ANO4: variants seen among roughly 807,000 people sequenced by gnomAD.
ANO4 encodes anoctamin-4.
ANO4 carries 69 observed loss-of-function variants against 141.9 expected under a neutral mutation model. The observed-to-expected ratio is 0.49, with a 90% CI of 0.40 to 0.59. The LOEUF (loss-of-function observed/expected upper bound fraction) is 0.59, where lower values mean the gene tolerates loss of function less well. Ranked by LOEUF, ANO4 falls within the 20% of genes least tolerant of loss-of-function variation. ANO4 has a pLI of 0.00. For synonymous variants in ANO4, 350 were observed against 394.3 expected (o/e 0.89, Z 1.33); for missense variants, 894 against 1,162.2 (o/e 0.77, Z 3.36).
intron 26 of ANO4, among the ~76,000 whole-genome samples, chr12:101,122,265 G>A (rs1446062630): frequency 1.6e-4 from 24 of 152,098 alleles, no homozygotes; most frequent in Admixed American, 1.6e-3. Context: ...ATTTGTTTAA[G>A]TTCCTTACAG....
chr12:100,827,404 A>G (rs1008766277), intron 1 of ANO4, among the ~76,000 whole-genome samples: 1 of 151,916 alleles, frequency 6.6e-6, no homozygotes, highest in African/African-American at 2.4e-5. Flanking sequence ...TTCTATTTAA[A>G]CTTGTTAAAA....
At chr12:100,841,013 A>G (rs1428450320) in intron 1 of ANO4, among the ~76,000 whole-genome samples, 2 of 151,878 alleles carry the variant, frequency 1.3e-5, no homozygotes, top group Admixed American at 1.3e-4. Flanking sequence ...TGAAATGACC[A>G]CCTATTTTTC....
intron 9 of ANO4, among the ~76,000 whole-genome samples, chr12:101,033,724 T>A (rs73156627): frequency 0.26 from 39,473 of 151,840 alleles, 5,290 homozygotes; most frequent in Non-Finnish European, 0.28. Flanking sequence ...GCGGGAGAAA[T>A]TTTTTGCAAT....
intron 14 of ANO4, among the ~76,000 whole-genome samples, chr12:101,053,467 A>G (rs2047957475): frequency 6.6e-6 from 1 of 152,164 alleles, no homozygotes; most frequent in Non-Finnish European, 1.5e-5. Flanking sequence ...GTCCAAAATC[A>G]AGGTGTCAGT....
At chr12:101,110,583 A>G (rs1011879120) in intron 23 of ANO4, 27 bp downstream of exon 23, 37 of 1,524,178 alleles carry the variant, frequency 2.4e-5, no homozygotes, top group Non-Finnish European at 3.3e-5. Flanking sequence ...TATGTTTTTA[A>G]AAAACATATT....
At chr12:100,991,439 T>C (rs2045097027) in intron 8 of ANO4, among the ~76,000 whole-genome samples, 1 of 150,282 alleles carries the variant, frequency 6.7e-6, no homozygotes, top group Non-Finnish European at 1.5e-5. Context: ...TGTGTTTTTC[T>C]TGGAATACAA....
At position 100,813,227 on chromosome 12, in the gene ANO4, T is replaced by C. The variant is rs528974280; in HGVS notation, c.-141+18200T>C. ...GCCCTCCTTATTTCCAGGGGAAGCA[T>C]GGGAGAACCAAGCAGCTCAGCCAGG... On this transcript the variant is annotated intron_variant, in intron 1 of 27. Transcript: ENST00000392977. Among the ~76,000 whole-genome samples, 65 of 152,206 alleles carry C rather than the reference T, an allele frequency of 4.3e-4. 1 individual carries two copies. In the South Asian group the frequency reaches 0.012, roughly 28 times the overall value.
intron 3 of ANO4, among the ~76,000 whole-genome samples, chr12:100,754,340 G>A (rs1441029009): frequency 6.6e-6 from 1 of 151,700 alleles, no homozygotes; most frequent in Admixed American, 6.6e-5. Context: ...CATGGATCAA[G>A]TCTTTCTACT....
Position 100,831,596 on chromosome 12 carries a change from A to T in ANO4, c.-141+36569A>T, listed in dbSNP as rs116476723. ...TCCTCAGTGTGGTAACACAAGGCTGATGGAGAGGAAAAGAGTGTATGAAAC... is the reference window on the plus strand; with the variant it reads ...TCCTCAGTGTGGTAACACAAGGCTGTTGGAGAGGAAAAGAGTGTATGAAAC... On this transcript the variant is annotated intron_variant, in intron 1 of 27. Transcript: ENST00000392977. Among the ~76,000 whole-genome samples, 228 of 152,258 alleles carry T rather than the reference A, an allele frequency of 1.5e-3. 2 individuals are homozygous for T. The highest frequency in any genetic ancestry group is 5.1e-3 in the African/African-American group (214 of 41,574).
chr12:100,884,118 CA>C (rs1429705335), intron 1 of ANO4, among the ~76,000 whole-genome samples: 2 of 152,110 alleles, frequency 1.3e-5, no homozygotes, highest in African/African-American at 4.8e-5. Flanking sequence ...AAAGTTCATG[CA>C]ATTTAATGTC....
intron 13 of ANO4, among the ~76,000 whole-genome samples, chr12:101,047,821 T>C (rs1331532545): frequency 6.6e-6 from 1 of 152,168 alleles, no homozygotes; most frequent in Non-Finnish European, 1.5e-5. Flanking sequence ...AAGGGTAGAG[T>C]TGGATTTAGT....
intron 1 of ANO4, among the ~76,000 whole-genome samples, chr12:100,858,399 G>A (rs564332774): frequency 5.7e-4 from 87 of 152,158 alleles, no homozygotes; most frequent in African/African-American, 2.0e-3. Context: ...TATGTGGTCC[G>A]TCATTATGAG....
At chr12:100,860,795 C>A (rs998981958) in intron 1 of ANO4, among the ~76,000 whole-genome samples, 1 of 152,136 alleles carries the variant, frequency 6.6e-6, no homozygotes, top group Admixed American at 6.5e-5. Flanking sequence ...CATCACTTAA[C>A]GATGAGAATA....
chr12:101,061,414 T>C (rs1011107697), intron 14 of ANO4, among the ~76,000 whole-genome samples: 3 of 152,144 alleles, frequency 2.0e-5, no homozygotes, highest in African/African-American at 7.2e-5. Flanking sequence ...TTTCCTGAAT[T>C]TGAATGTTGG....
chr12:101,007,689 G>C (rs2045926667), intron 8 of ANO4, among the ~76,000 whole-genome samples: 1 of 152,234 alleles, frequency 6.6e-6, no homozygotes, highest in East Asian at 1.9e-4. Context: ...TATTATTTGG[G>C]GGGGAAAAGA....
chr12:100,744,153 C>T (rs766184602), intron 3 of ANO4, among the ~76,000 whole-genome samples: 3 of 152,170 alleles, frequency 2.0e-5, no homozygotes, highest in Admixed American at 6.5e-5. Context: ...AACTTTCAAC[C>T]CGGATATATC....
chr12:100,743,440 G>A (rs942007615), intron 3 of ANO4, among the ~76,000 whole-genome samples: 7 of 151,778 alleles, frequency 4.6e-5, no homozygotes, highest in African/African-American at 1.7e-4. Context: ...TTTTAAAAAA[G>A]TAAATGATGA....
intron 1 of ANO4, among the ~76,000 whole-genome samples, chr12:100,886,672 T>G (rs1409465977): frequency 6.6e-6 from 1 of 152,212 alleles, no homozygotes; most frequent in Non-Finnish European, 1.5e-5. Flanking sequence ...TTGCTTAGTT[T>G]TATAAGTTTT....
chr12:100,870,966 T>C (rs906082547), intron 1 of ANO4, among the ~76,000 whole-genome samples: 24 of 152,208 alleles, frequency 1.6e-4, no homozygotes, highest in African/African-American at 5.5e-4. Flanking sequence ...TGCCTTCATT[T>C]CGTTATTGCT....
Sources: gnomAD v4.1 joint callset for allele counts (sites outside exome capture counted in the v4.1 genomes callset) on GRCh38, gnomAD v4.1.1 for gene constraint, MANE v1.5 for transcripts, NCBI Gene and HGNC (gene_info 2026-07-23, HGNC 2026-07-21) for gene names.